The following CSMD1 variants were observed in gnomAD, a reference collection of about 807,000 sequenced individuals.
CSMD1 encodes the protein CUB and sushi domain-containing protein 1.
Under a neutral mutation model 417.5 loss-of-function variants are expected in CSMD1, and 213 were observed. That is an observed-to-expected ratio of 0.51 (90% CI 0.46 to 0.57). The LOEUF is 0.57. Among genes scored for constraint, CSMD1 ranks in the 20% least tolerant of loss-of-function variants. CSMD1 has a pLI of 0.00. For synonymous variants in CSMD1, 2,862 were observed against 1,736.8 expected, an observed-to-expected ratio of 1.65 and a Z score of -16.11; for missense variants, 6,923 against 4,529.7, an observed-to-expected ratio of 1.53 and a Z score of -15.17.
intron 1 of CSMD1, among the ~76,000 whole-genome samples, chr8:4,759,646 T>C (rs903717294): frequency 2.0e-5 from 3 of 152,146 alleles, no homozygotes; most frequent in Admixed American, 1.3e-4. Context: ...CTCCCACTTA[T>C]AAGTGAGAAT....
At chr8:3,980,462 T>A (rs58200775) in intron 5 of CSMD1, among the ~76,000 whole-genome samples, 1 of 151,906 alleles carries the variant, frequency 6.6e-6, no homozygotes, top group Non-Finnish European at 1.5e-5. Context: ...TTGTGAAGAT[T>A]TTTTTTTGCC....
At chr8:3,908,006 T>C in intron 5 of CSMD1, among the ~76,000 whole-genome samples, 1 of 152,106 alleles carries the variant, frequency 6.6e-6, no homozygotes, top group Non-Finnish European at 1.5e-5. Flanking sequence ...ATGTTCACAG[T>C]TTCCTCTTTC....
intron 2 of CSMD1, among the ~76,000 whole-genome samples, chr8:4,533,386 G>C (rs754542655): frequency 1.3e-5 from 2 of 152,178 alleles, no homozygotes; most frequent in African/African-American, 4.8e-5. Context: ...AGAGCTGTGA[G>C]ATCCATATGA....
chr8:3,500,220 C>G (rs79599690), intron 10 of CSMD1, among the ~76,000 whole-genome samples: 2,206 of 152,266 alleles, frequency 0.014, 36 homozygotes, highest in South Asian at 0.076. Context: ...CTCCCCTAGA[C>G]ACTGCACTTG....
intron 1 of CSMD1, among the ~76,000 whole-genome samples, chr8:4,682,658 T>G (rs1224193856): frequency 3.3e-5 from 5 of 151,936 alleles, no homozygotes. Flanking sequence ...TTTTAGGATA[T>G]TACAGATCAC....
At chr8:4,188,830 G>C (rs1008977118) in intron 3 of CSMD1, among the ~76,000 whole-genome samples, 2 of 148,014 alleles carry the variant, frequency 1.4e-5, no homozygotes, top group Non-Finnish European at 3.0e-5. Context: ...AATTGGGAGG[G>C]ATATTAAAAA....
At chr8:3,904,444 G>C (rs1414137478) in intron 5 of CSMD1, among the ~76,000 whole-genome samples, 1 of 152,130 alleles carries the variant, frequency 6.6e-6, no homozygotes, top group Non-Finnish European at 1.5e-5. Context: ...GTCTAGGAAT[G>C]TCCCAGAGAT....
chr8:4,388,159 C>T (rs1803589929), intron 3 of CSMD1, among the ~76,000 whole-genome samples: 1 of 152,038 alleles, frequency 6.6e-6, no homozygotes, highest in Non-Finnish European at 1.5e-5. Flanking sequence ...ACCAACAGTC[C>T]CACTAATGGG....
chr8:4,142,734 G>C (rs903612390), intron 3 of CSMD1, among the ~76,000 whole-genome samples: 2 of 151,046 alleles, frequency 1.3e-5, no homozygotes, highest in Non-Finnish European at 2.9e-5. Flanking sequence ...CTGACACAAC[G>C]TGAGATTACA....
intron 3 of CSMD1, among the ~76,000 whole-genome samples, chr8:4,213,697 A>C (rs1031291395): frequency 6.6e-6 from 1 of 152,198 alleles, no homozygotes; most frequent in Non-Finnish European, 1.5e-5. Context: ...CCCTGGTGGG[A>C]AGCCGTGGGC....
chr8:4,017,959 C>T (rs766096632), intron 4 of CSMD1, among the ~76,000 whole-genome samples: 2 of 152,084 alleles, frequency 1.3e-5, no homozygotes, highest in Non-Finnish European at 2.9e-5. Flanking sequence ...GCAACTATAG[C>T]GGCATGCATT....
intron 25 of CSMD1, among the ~76,000 whole-genome samples, chr8:3,290,499 C>A (rs1413109661): frequency 3.5e-5 from 5 of 143,234 alleles, no homozygotes; most frequent in Admixed American, 6.9e-5. Context: ...CTTTTATTTC[C>A]TTGAGCAGTG....
chr8:3,302,701 C>A (rs1204277535), intron 25 of CSMD1, among the ~76,000 whole-genome samples: 2 of 152,154 alleles, frequency 1.3e-5, no homozygotes, highest in Non-Finnish European at 2.9e-5. Flanking sequence ...TGATCTGTCA[C>A]CAGTGATGAT....
chr8:3,325,688 G>T (rs898061312), intron 23 of CSMD1, among the ~76,000 whole-genome samples: 5 of 152,166 alleles, frequency 3.3e-5, no homozygotes, highest in Admixed American at 3.3e-4. Context: ...GCTGGGCATG[G>T]TGGCAGGCGC....
chr8:4,035,896 T>G (rs1273131519), intron 3 of CSMD1, among the ~76,000 whole-genome samples: 1 of 152,048 alleles, frequency 6.6e-6, no homozygotes, highest in Admixed American at 6.6e-5. Context: ...CAGTCACCCC[T>G]CACTCACACA....
chr8:4,223,868 A>G (rs1446373495), intron 3 of CSMD1, among the ~76,000 whole-genome samples: 1 of 152,198 alleles, frequency 6.6e-6, no homozygotes, highest in African/African-American at 2.4e-5. Context: ...AAGGTCCCTA[A>G]AAGTCCTGCA....
chr8:3,872,320 G>A (rs779564603), intron 5 of CSMD1, among the ~76,000 whole-genome samples: 2 of 152,166 alleles, frequency 1.3e-5, no homozygotes, highest in African/African-American at 4.8e-5. Flanking sequence ...CTCATTCTCA[G>A]TTCTCCCAGC....
At chr8:3,018,692 C>T (rs1237114899) in intron 51 of CSMD1, 42 bp from the exon 52 acceptor site, 3 of 1,541,244 alleles carry the variant, frequency 1.9e-6, no homozygotes, top group East Asian at 2.3e-5. Flanking sequence ...TTCAGTTATG[C>T]AGATTACTCC....
intron 7 of CSMD1, among the ~76,000 whole-genome samples, chr8:3,652,567 G>A (rs1395795859): frequency 2.0e-5 from 3 of 152,206 alleles, no homozygotes; most frequent in Admixed American, 1.3e-4. Context: ...AGAATGCAAA[G>A]GAGAAGCAAA....
Sources: allele counts gnomAD v4.1 joint callset (sites outside exome capture counted in the v4.1 genomes callset), GRCh38; gene constraint gnomAD v4.1.1; transcripts MANE v1.5; gene names NCBI Gene and HGNC (gene_info 2026-07-23, HGNC 2026-07-21).